FAM167A: variants seen among roughly 807,000 people sequenced by gnomAD.
The protein encoded by FAM167A is family with sequence similarity 167 member A, also known as protein FAM167A.
Under a neutral mutation model 14.9 loss-of-function variants are expected in FAM167A, and 23 were observed. The observed-to-expected ratio is 1.55, with a 90% confidence interval of 1.11 to 2.19. The LOEUF (loss-of-function observed/expected upper bound fraction) is 2.19. Among genes scored for constraint, FAM167A ranks in the 30% most tolerant of loss-of-function variants. The probability of loss-of-function intolerance (pLI) is 0.00; values close to 1 mark genes in which losing one functional copy is unlikely to be tolerated. For synonymous variants in FAM167A, 174 were observed against 117.7 expected, an observed-to-expected ratio of 1.48 and a Z score of -3.10; for missense variants, 401 against 281.5, an observed-to-expected ratio of 1.42 and a Z score of -3.04.
chr8:11,457,491 T>A (rs1807381316), intron 1 of FAM167A, among the ~76,000 whole-genome samples: 1 of 152,028 alleles, frequency 6.6e-6, no homozygotes, highest in African/African-American at 2.4e-5. Flanking sequence ...CCGGAGCTCA[T>A]CACTTACTCC....
At chr8:11,452,009 T>C (rs1807044627) in intron 1 of FAM167A, among the ~76,000 whole-genome samples, 1 of 152,144 alleles carries the variant, frequency 6.6e-6, no homozygotes, top group African/African-American at 2.4e-5. Flanking sequence ...GAGGAAAATA[T>C]ACAACTGAGA....
intron 1 of FAM167A, among the ~76,000 whole-genome samples, chr8:11,459,605 G>A (rs1807456662): frequency 6.6e-6 from 1 of 152,226 alleles, no homozygotes; most frequent in Non-Finnish European, 1.5e-5. Flanking sequence ...CTTGGGCAGG[G>A]CTGGGCAGTG....
chr8:11,462,440 T>C (rs887239011), intron 1 of FAM167A, among the ~76,000 whole-genome samples: 1 of 152,208 alleles, frequency 6.6e-6, no homozygotes, highest in Non-Finnish European at 1.5e-5. Context: ...ACACCTCTAA[T>C]ACGACTGTCA....
intron 1 of FAM167A, among the ~76,000 whole-genome samples, chr8:11,455,087 C>T (rs139028985): frequency 4.6e-5 from 7 of 152,304 alleles, no homozygotes; most frequent in Admixed American, 1.3e-4. Context: ...GACCTGACCC[C>T]GGCCCCAGTG....
intron 2 of FAM167A, chr8:11,438,070 C>T (rs778770664): frequency 3.1e-5 from 14 of 447,082 alleles, no homozygotes; most frequent in African/African-American, 2.8e-4. Context: ...AGCCCTGACC[C>T]ATCCACCTTG....
chr8:11,437,855 G>T (rs1806138339), intron 2 of FAM167A, among the ~76,000 whole-genome samples: 1 of 148,156 alleles, frequency 6.7e-6, no homozygotes, highest in Non-Finnish European at 1.5e-5. Context: ...GACAGGCATG[G>T]ATCTGGCTGC....
At chr8:11,467,680 T>G (rs1358603270), upstream of FAM167A, 2 of 152,402 alleles carry the variant, frequency 1.3e-5, no homozygotes, top group Non-Finnish European at 2.9e-5. Context: ...TGGCGCAGGC[T>G]CCAGGCAGGT....
Position 11,423,050 on chromosome 8 carries a change from A to G in FAM167A, c.*1323T>C, listed in dbSNP as rs1224859411. On this transcript the variant is annotated 3_prime_UTR_variant, in exon 3 of 3. Transcript: ENST00000284486. The stretch of plus-strand genomic sequence containing the variant: ...ATCAATAATGGTTTCACACATCAAT[A>G]TTCTATAGCCTAAACAGCTGTGCAA... 1 of 152,604 alleles carries G rather than the reference A, an allele frequency of 6.6e-6. No homozygotes were observed. Among genetic ancestry groups the G allele is most frequent in the Non-Finnish European group, 1.5e-5 (1 of 68,022 alleles). The allele number at this position is 152,604 out of a possible 1,614,324, so 9.5% of individuals were successfully genotyped here. A position where few individuals can be genotyped will look rare whatever the true frequency, so the allele number is the denominator to read the frequency against.
intron 2 of FAM167A, among the ~76,000 whole-genome samples, chr8:11,435,949 G>A (rs6998387): frequency 0.36 from 54,528 of 152,092 alleles, 10,260 homozygotes; most frequent in East Asian, 0.65. Flanking sequence ...AAACCATTCA[G>A]TTACGTTTTT....
chr8:11,458,234 C>CTCAG (rs1287764908), intron 1 of FAM167A, among the ~76,000 whole-genome samples: 1 of 152,194 alleles, frequency 6.6e-6, no homozygotes, highest in Non-Finnish European at 1.5e-5. Context: ...TTGAATTTGA[C>CTCAG]TCAGTCTTCA....
At chr8:11,427,242 G>T (rs1432184398) in intron 2 of FAM167A, among the ~76,000 whole-genome samples, 2 of 152,302 alleles carry the variant, frequency 1.3e-5, no homozygotes, top group African/African-American at 4.8e-5. Flanking sequence ...GTACCAGCAG[G>T]ACAGTCTGGC....
At chr8:11,450,598 C>T (rs1022775225) in intron 1 of FAM167A, among the ~76,000 whole-genome samples, 16 of 152,200 alleles carry the variant, frequency 1.1e-4, no homozygotes, top group Non-Finnish European at 1.8e-4. Flanking sequence ...TGTCAATGGT[C>T]GCCTCTAGCA....
intron 2 of FAM167A, chr8:11,438,735 A>G (rs994581296): frequency 4.2e-5 from 15 of 354,692 alleles, no homozygotes; most frequent in South Asian, 2.0e-4. Context: ...TGAATAGAAC[A>G]GGAATCTTCC....
At chr8:11,435,473 G>T (rs757999741) in intron 2 of FAM167A, among the ~76,000 whole-genome samples, 7 of 152,342 alleles carry the variant, frequency 4.6e-5, no homozygotes, top group Non-Finnish European at 7.3e-5. Context: ...ATGAATCAAT[G>T]AATCAATCCG....
chr8:11,421,705 A>G lies in FAM167A; in HGVS notation c.*2668T>C, dbSNP rs1804740498. 5.0e-6 allele frequency: 2 copies of G among 398,910 alleles called. No individual in the cohort carries two copies. Among genetic ancestry groups the G allele is most frequent in the South Asian group, 2.5e-4 (2 of 7,850 alleles). The allele number at this position is 398,910 out of a possible 1,614,324, so 24.7% of individuals were successfully genotyped here. A position where few individuals can be genotyped will look rare whatever the true frequency, so the allele number is the denominator to read the frequency against. Reference sequence around the variant, plus strand: ...CTACTGAGCCCCTGAAGGCATCAAGACATGACCACGCATGGCAGTGTCGGT... The same window carrying G: ...CTACTGAGCCCCTGAAGGCATCAAGGCATGACCACGCATGGCAGTGTCGGT... On this transcript the variant is annotated 3_prime_UTR_variant, in exon 3 of 3. Transcript: ENST00000284486.
At chr8:11,437,833 T>C (rs1806136711) in intron 2 of FAM167A, among the ~76,000 whole-genome samples, 1 of 147,306 alleles carries the variant, frequency 6.8e-6, no homozygotes, top group African/African-American at 2.7e-5. Flanking sequence ...AGAAACTTAA[T>C]GCAATTACGT....
chr8:11,455,559 T>C (rs1160701039), intron 1 of FAM167A, among the ~76,000 whole-genome samples: 1 of 125,670 alleles, frequency 8.0e-6, no homozygotes, highest in Non-Finnish European at 1.6e-5. Flanking sequence ...GTGTGGGGGG[T>C]GGTTGCCTTG....
chr8:11,429,613 G>T (rs6982606), intron 2 of FAM167A, among the ~76,000 whole-genome samples: 131,315 of 152,280 alleles, frequency 0.86, 57,041 homozygotes, highest in African/African-American at 0.95. Flanking sequence ...GTAAAGGAAC[G>T]GCTCATGGCC....
chr8:11,441,544 T>G (rs1056413406), intron 2 of FAM167A, among the ~76,000 whole-genome samples: 5 of 152,186 alleles, frequency 3.3e-5, no homozygotes, highest in African/African-American at 1.2e-4. Context: ...ATCTCCTTGG[T>G]CGCTGCTCTT....
Sources: gnomAD v4.1 joint callset for allele counts (sites outside exome capture counted in the v4.1 genomes callset) on GRCh38, gnomAD v4.1.1 for gene constraint, MANE v1.5 for transcripts, NCBI Gene and HGNC (gene_info 2026-07-23, HGNC 2026-07-21) for gene names.